Variants in GLYR1 observed in about 807,000 individuals in gnomAD.
GLYR1 encodes glyoxylate reductase 1 homolog, also known as cytokine-like nuclear factor N-PAC.
A neutral mutation model predicts 72.7 loss-of-function variants in GLYR1; 21 were observed. That is an observed-to-expected ratio of 0.29 (90% CI 0.20 to 0.42). The LOEUF (loss-of-function observed/expected upper bound fraction) is 0.42. GLYR1 is among the 10% of genes least tolerant of loss of function. The probability of loss-of-function intolerance (pLI) is 1.00; values close to 1 mark genes in which losing one functional copy is unlikely to be tolerated. For missense variants in GLYR1, 594 were observed against 712.1 expected (o/e 0.83, Z 1.89); for synonymous variants, 392 against 270.2 (o/e 1.45, Z -4.42).
chr16:4,826,099 GT>G (rs995466925), intron 5 of GLYR1, among the ~76,000 whole-genome samples: 2 of 152,126 alleles, frequency 1.3e-5, no homozygotes, highest in Non-Finnish European at 1.5e-5. Context: ...CCAGGCTGGA[GT>G]GCAGTGACTC....
At chr16:4,828,631 C>A (rs1187555054) in intron 5 of GLYR1, among the ~76,000 whole-genome samples, 1 of 152,042 alleles carries the variant, frequency 6.6e-6, no homozygotes, top group Non-Finnish European at 1.5e-5. Flanking sequence ...TCTCACTGTA[C>A]AAACGGCCAG....
chr16:4,817,077 G>A (rs1306466239), intron 10 of GLYR1, among the ~76,000 whole-genome samples: 3 of 151,492 alleles, frequency 2.0e-5, no homozygotes, highest in South Asian at 2.1e-4. Flanking sequence ...CTGAGTAACT[G>A]AGACTACAGG....
rs1205492669 is a variant in GLYR1 at position 4,804,591 on chromosome 16, C to T, written c.*645G>A. 1 of 152,766 alleles carries T rather than the reference C, an allele frequency of 6.5e-6. No homozygotes were observed. Among genetic ancestry groups the T allele is most frequent in the Non-Finnish European group, 1.5e-5 (1 of 68,216 alleles). The allele number at this position is 152,766 out of a possible 1,614,324, so 9.5% of individuals were successfully genotyped here. On this transcript the variant is annotated 3_prime_UTR_variant, in exon 16 of 16. Transcript: ENST00000321919. ...CATCTTCTCGGGACTCTGCCAGTCT[C>T]TTTTCAGTTCACAAAGGCGTCTATG...
intron 3 of GLYR1, among the ~76,000 whole-genome samples, chr16:4,836,810 T>C (rs1422530465): frequency 2.7e-5 from 4 of 148,352 alleles, no homozygotes; most frequent in African/African-American, 1.0e-4. Context: ...ACATATTATA[T>C]TGGAAAAAAA....
At chr16:4,819,234 A>C (rs767757304) in intron 9 of GLYR1, among the ~76,000 whole-genome samples, 16 of 152,154 alleles carry the variant, frequency 1.1e-4, no homozygotes, top group Non-Finnish European at 2.2e-4. Flanking sequence ...GCTGGTCTCG[A>C]ACTTTTGGTA....
At chr16:4,814,029 A>C in intron 11 of GLYR1, 191 bp from the exon 12 acceptor site, 1 of 498,188 alleles carries the variant, frequency 2.0e-6, no homozygotes, top group Non-Finnish European at 3.5e-6. Flanking sequence ...TATCTTTAAA[A>C]AGAATCTATG....
At chr16:4,833,570 T>C (rs1017703444) in intron 3 of GLYR1, among the ~76,000 whole-genome samples, 2 of 150,648 alleles carry the variant, frequency 1.3e-5, no homozygotes, top group Non-Finnish European at 2.9e-5. Context: ...ACGGAACACA[T>C]GGTTTGGAAT....
rs1172031561 is a variant in GLYR1 at position 4,845,112 on chromosome 16, C to T, written c.117G>A (p.Lys39=). The stretch of plus-strand genomic sequence containing the variant: ...CAAAAAATTTCACAAAGAAGCATTT[C>T]TTTCCGCGAGGTTTCTTCAAGTCCT... ...PPKDLKKPRG[K]KCFFVKFFGT... Residue 39 remains lysine, a synonymous_variant, in exon 3 of 16, where the codon AAG becomes AAA. Transcript: ENST00000321919. 6.2e-7 allele frequency: 1 copy of T among 1,614,088 alleles called. No homozygotes were observed. The highest frequency in any genetic ancestry group is 1.7e-5 in the Admixed American group (1 of 60,010).
chr16:4,823,531 T>C lies in GLYR1; in HGVS notation c.624+290A>G, dbSNP rs184022875. ...AAAAAAACTTGTGGAATCATCCCAC[T>C]TTTGTGAAAAAGAACCCTGCCCAAA... On this transcript the variant is annotated intron_variant, in intron 6 of 15. Coordinates refer to ENST00000321919, the MANE Select transcript of GLYR1 (RefSeq NM_032569.4). Among the ~76,000 whole-genome samples the C allele has an allele frequency of 2.0e-3, 298 of 152,278 alleles. 1 individual carries two copies. Among genetic ancestry groups the C allele is most frequent in the Non-Finnish European group, 3.4e-3 (229 of 68,020 alleles).
chr16:4,836,425 T>C (rs922486898), intron 3 of GLYR1, among the ~76,000 whole-genome samples: 5 of 152,232 alleles, frequency 3.3e-5, no homozygotes, highest in Admixed American at 3.3e-4. Flanking sequence ...GAGCTATATC[T>C]TTCAGCCCAA....
chr16:4,813,622 C>T (rs2083451277), intron 12 of GLYR1, 115 bp downstream of exon 12: 4 of 889,462 alleles, frequency 4.5e-6, no homozygotes, highest in Admixed American at 2.0e-5. Flanking sequence ...ACTCGCCTCT[C>T]CTCTTCCCTC....
intron 15 of GLYR1, among the ~76,000 whole-genome samples, chr16:4,810,272 GGCTCTCCTGAGGTC>G (rs2083250421): frequency 7.9e-6 from 1 of 126,448 alleles, no homozygotes; most frequent in Non-Finnish European, 1.8e-5. Flanking sequence ...TGAGGCAGGT[GGCTCTCCTGAGGTC>G]AGGAGTTGGA....
chr16:4,823,164 G>A (rs1437215637), intron 6 of GLYR1, among the ~76,000 whole-genome samples: 1 of 152,234 alleles, frequency 6.6e-6, no homozygotes, highest in Non-Finnish European at 1.5e-5. Flanking sequence ...GATTCTGCTA[G>A]GTTGGTACAC....
chr16:4,829,689 T>C (rs969354723), intron 5 of GLYR1, among the ~76,000 whole-genome samples: 1 of 151,794 alleles, frequency 6.6e-6, no homozygotes, highest in African/African-American at 2.4e-5. Context: ...TTTTTTTTCT[T>C]TGAGACGGAG....
rs748618834 is a variant in GLYR1 at position 4,813,689 on chromosome 16, GCT to G, written c.1119+46_1119+47del. 1.2e-4 allele frequency: 179 copies of G among 1,478,878 alleles called. 1 individual carries two copies. Among genetic ancestry groups the G allele is most frequent in the Non-Finnish European group, 1.6e-4 (174 of 1,080,468 alleles). The allele number at this position is 1,478,878 out of a possible 1,614,324, so 91.6% of individuals were successfully genotyped here. A position where few individuals can be genotyped will look rare whatever the true frequency, so the allele number is the denominator to read the frequency against. ...CCACTCTTGTAAGCCTGGGTCTTGG[GCT>G]CTGATAGAAAAGATGCTGGAGAGCC... On this transcript the variant is annotated intron_variant, in intron 12 of 15. Coordinates refer to ENST00000321919, the MANE Select transcript of GLYR1 (RefSeq NM_032569.4).
intron 15 of GLYR1, among the ~76,000 whole-genome samples, chr16:4,809,116 T>G (rs1009603360): frequency 2.7e-5 from 4 of 146,238 alleles, no homozygotes; most frequent in Non-Finnish European, 6.0e-5. Context: ...TAGACATAAA[T>G]AAGAGAGGAA....
In GLYR1 at chr16:4,823,696, G is replaced by C; in HGVS notation, c.624+125C>G. The C allele has an allele frequency of 5.1e-6, 4 of 783,388 alleles. No individual in the cohort carries two copies. In the South Asian group the frequency reaches 6.5e-5, roughly 13 times the overall value. 48.5% of individuals were successfully genotyped at this position (783,388 alleles called of 1,614,324 possible). ...TTAATTTTTTATTTCATAGACTTCT[G>C]TACTGTTTTGTAATAATAAATTAAG... On this transcript the variant is annotated intron_variant, in intron 6 of 15. Coordinates refer to ENST00000321919, the MANE Select transcript of GLYR1 (RefSeq NM_032569.4).
At position 4,821,360 on chromosome 16, in the gene GLYR1, C is replaced by G; in HGVS notation, c.806+20G>C. ...CAGCAGAACCAGAGCCACTGGAGGC[C>G]TTTTCATCAAAGGTCCTACTTTTTG... On this transcript the variant is annotated intron_variant, in intron 9 of 15. Transcript: ENST00000321919. 1 of 1,612,182 alleles carries G rather than the reference C, an allele frequency of 6.2e-7. No homozygotes were observed. Among genetic ancestry groups the G allele is most frequent in the East Asian group, 2.2e-5 (1 of 44,888 alleles).
chr16:4,806,719 C>A (rs533989335), intron 15 of GLYR1, among the ~76,000 whole-genome samples: 1 of 151,762 alleles, frequency 6.6e-6, no homozygotes, highest in Non-Finnish European at 1.5e-5. Flanking sequence ...AGGATTTATA[C>A]CGCAATCTGT....
Sources: gnomAD v4.1 joint callset for allele counts (sites outside exome capture counted in the v4.1 genomes callset) on GRCh38, gnomAD v4.1.1 for gene constraint, MANE v1.5 for transcripts, NCBI Gene and HGNC (gene_info 2026-07-23, HGNC 2026-07-21) for gene names.